OTUD7A: variants seen among roughly 807,000 people sequenced by gnomAD.
OTUD7A encodes OTU deubiquitinase 7A.
Under a neutral mutation model 65.7 loss-of-function variants are expected in OTUD7A, and 12 were observed. The ratio of observed to expected loss-of-function variants is 0.18; its 90% CI spans 0.12 to 0.30. The LOEUF (loss-of-function observed/expected upper bound fraction) is 0.30. OTUD7A is among the 10% of genes least tolerant of loss of function. The pLI is 1.00. For synonymous variants in OTUD7A, 641 were observed against 586.3 expected (o/e 1.09, Z -1.35); for missense variants, 1,148 against 1,304.8 (o/e 0.88, Z 1.85).
chr15:31,559,857 C>A (rs760974494), intron 4 of OTUD7A, among the ~76,000 whole-genome samples: 3 of 152,228 alleles, frequency 2.0e-5, no homozygotes, highest in Non-Finnish European at 2.9e-5. Flanking sequence ...TACACATGCA[C>A]ACCCATATTC....
chr15:31,831,192 A>G (rs910706750), intron 1 of OTUD7A, among the ~76,000 whole-genome samples: 2 of 152,234 alleles, frequency 1.3e-5, no homozygotes, highest in African/African-American at 4.8e-5. Context: ...AAGCTAAACT[A>G]TAAAGCTTTA....
At chr15:31,775,349 G>A (rs1567016725) in intron 1 of OTUD7A, among the ~76,000 whole-genome samples, 1 of 152,160 alleles carries the variant, frequency 6.6e-6, no homozygotes, top group Non-Finnish European at 1.5e-5. Context: ...ATTATTTTAG[G>A]TGCTCAGCAC....
At chr15:31,738,544 C>T (rs1435714072) in intron 1 of OTUD7A, among the ~76,000 whole-genome samples, 1 of 152,158 alleles carries the variant, frequency 6.6e-6, no homozygotes, top group East Asian at 1.9e-4. Context: ...TGACAGTGAT[C>T]CCTAATTTGA....
intron 3 of OTUD7A, among the ~76,000 whole-genome samples, chr15:31,653,242 G>C (rs971166643): frequency 2.1e-4 from 32 of 150,486 alleles, no homozygotes; most frequent in African/African-American, 7.8e-4. Flanking sequence ...GCTAGAGTGA[G>C]ACTCTGTGTC....
At chr15:31,507,960 G>C (rs1403802510) in intron 8 of OTUD7A, among the ~76,000 whole-genome samples, 1 of 152,158 alleles carries the variant, frequency 6.6e-6, no homozygotes, top group Non-Finnish European at 1.5e-5. Context: ...AGTGTTAGGG[G>C]TAATTGTGTT....
intron 5 of OTUD7A, among the ~76,000 whole-genome samples, chr15:31,547,392 G>T (rs1237441899): frequency 1.3e-5 from 2 of 152,074 alleles, no homozygotes; most frequent in South Asian, 2.1e-4. Flanking sequence ...GAACAGGCTG[G>T]CTTCTCATGG....
At position 31,786,251 on chromosome 15, in the gene OTUD7A, G is replaced by A. The variant is rs140793013; in HGVS notation, c.-100+84256C>T. On this transcript the variant is annotated intron_variant, in intron 1 of 12. Transcript: ENST00000307050. ...AAACTACCTACTTTCATGTATCCTAGGCAACAGAAAACAAACTAATACAGC... is the reference window on the plus strand; with the variant it reads ...AAACTACCTACTTTCATGTATCCTAAGCAACAGAAAACAAACTAATACAGC... Among the ~76,000 whole-genome samples the A allele has an allele frequency of 5.3e-5, 8 of 152,206 alleles. No individual in the cohort carries two copies. The East Asian group carries it at 1.5e-3, about 29-fold the overall frequency.
At chr15:31,592,751 G>C (rs1004226315) in intron 3 of OTUD7A, among the ~76,000 whole-genome samples, 10 of 150,086 alleles carry the variant, frequency 6.7e-5, no homozygotes, top group Non-Finnish European at 1.5e-4. Flanking sequence ...TTGGTGATGA[G>C]CGCCTGTAGT....
intron 10 of OTUD7A, among the ~76,000 whole-genome samples, chr15:31,500,368 C>G (rs979781385): frequency 6.6e-6 from 1 of 152,240 alleles, no homozygotes; most frequent in East Asian, 1.9e-4. Flanking sequence ...TTGTCACGGC[C>G]GGCTGTAGCC....
chr15:31,614,072 T>C (rs1019096519), intron 3 of OTUD7A, among the ~76,000 whole-genome samples: 58 of 152,178 alleles, frequency 3.8e-4, no homozygotes, highest in Non-Finnish European at 5.9e-5. Context: ...ACATCATATG[T>C]TCTCACTGAT....
chr15:31,634,645 C>A (rs528355896), intron 3 of OTUD7A, among the ~76,000 whole-genome samples: 1 of 152,366 alleles, frequency 6.6e-6, no homozygotes, highest in Non-Finnish European at 1.5e-5. Context: ...GCACAGTGCC[C>A]ATCTGCCCTG....
intron 6 of OTUD7A, among the ~76,000 whole-genome samples, chr15:31,530,180 T>C (rs1352659445): frequency 6.6e-6 from 1 of 152,188 alleles, no homozygotes; most frequent in African/African-American, 2.4e-5. Flanking sequence ...TTTCCATTAG[T>C]CCATGCCAAC....
intron 3 of OTUD7A, among the ~76,000 whole-genome samples, chr15:31,617,432 A>G (rs1247975059): frequency 1.3e-5 from 2 of 152,188 alleles, no homozygotes; most frequent in Non-Finnish European, 2.9e-5. Context: ...GGTTGCAGTG[A>G]GCCCAGACTG....
At chr15:31,617,226 C>T (rs574197634) in intron 3 of OTUD7A, among the ~76,000 whole-genome samples, 4 of 152,212 alleles carry the variant, frequency 2.6e-5, no homozygotes, top group East Asian at 3.9e-4. Context: ...CAGTGGCTCA[C>T]GCCTGTAATC....
intron 8 of OTUD7A, among the ~76,000 whole-genome samples, chr15:31,524,553 G>A (rs1466344255): frequency 7.7e-6 from 1 of 129,586 alleles, no homozygotes; most frequent in South Asian, 2.6e-4. Flanking sequence ...ACCTGTGCTC[G>A]CCTCCCTCCT....
intron 3 of OTUD7A, among the ~76,000 whole-genome samples, chr15:31,621,103 C>T (rs1349072605): frequency 1.3e-5 from 2 of 151,374 alleles, no homozygotes; most frequent in Non-Finnish European, 1.5e-5. Context: ...GTCCTGAGTA[C>T]TAGTTTGATT....
At chr15:31,665,215 T>C (rs1278614429) in intron 1 of OTUD7A, among the ~76,000 whole-genome samples, 4 of 152,232 alleles carry the variant, frequency 2.6e-5, no homozygotes, top group African/African-American at 9.6e-5. Context: ...AGTATTTTGA[T>C]GGGGATTGCA....
chr15:31,769,248 G>C (rs1000525436), intron 1 of OTUD7A, among the ~76,000 whole-genome samples: 1 of 152,156 alleles, frequency 6.6e-6, no homozygotes, highest in African/African-American at 2.4e-5. Context: ...AGATACAGTA[G>C]ACTAGAACAA....
chr15:31,849,558 C>T (rs749801083), intron 1 of OTUD7A, among the ~76,000 whole-genome samples: 59 of 152,156 alleles, frequency 3.9e-4, no homozygotes, highest in Non-Finnish European at 6.9e-4. Context: ...CAAATGGGGT[C>T]TAATTAAACT....
Sources: gnomAD v4.1 joint callset for allele counts (sites outside exome capture counted in the v4.1 genomes callset) on GRCh38, gnomAD v4.1.1 for gene constraint, MANE v1.5 for transcripts, NCBI Gene and HGNC (gene_info 2026-07-23, HGNC 2026-07-21) for gene names.